MCPH1: variants seen among roughly 807,000 people sequenced by gnomAD.
MCPH1 encodes the protein microcephalin.
MCPH1 carries 104 observed loss-of-function variants against 84.5 expected under a neutral mutation model. The ratio of observed to expected loss-of-function variants is 1.23; its 90% CI spans 1.05 to 1.45. The LOEUF is 1.45. Among genes scored for constraint, MCPH1 ranks in the 40% most tolerant of loss-of-function variants. MCPH1 has a pLI of 0.00. For synonymous variants in MCPH1, 514 were observed against 366.8 expected (o/e 1.40, Z -4.58); for missense variants, 1,498 against 1,005.7 (o/e 1.49, Z -6.62).
intron 3 of MCPH1, among the ~76,000 whole-genome samples, chr8:6,415,851 A>G (rs1799207404): frequency 6.6e-6 from 1 of 152,152 alleles, no homozygotes; most frequent in Non-Finnish European, 1.5e-5. Context: ...TTCAAAAACA[A>G]AAAAGGCAGC....
Position 6,414,761 on chromosome 8 carries a change from A to G in MCPH1, c.115-4A>G. On this transcript the variant is annotated splice_region_variant and splice_polypyrimidine_tract_variant and intron_variant, in intron 2 of 13. Transcript: ENST00000344683. ...ACATTTTGTTTTCTGCATTTTGTCT[A>G]CAGGTTTCAAAAACTTTTAACAAAC... 1 of 1,613,398 alleles carries G rather than the reference A, an allele frequency of 6.2e-7. No individual in the cohort carries two copies. The highest frequency in any genetic ancestry group is 8.5e-7 in the Non-Finnish European group (1 of 1,179,656).
intron 11 of MCPH1, among the ~76,000 whole-genome samples, chr8:6,498,575 A>G (rs1811559612): frequency 6.6e-6 from 1 of 152,208 alleles, no homozygotes; most frequent in Non-Finnish European, 1.5e-5. Context: ...GAGATTGTTT[A>G]AATTCAGTTG....
intron 12 of MCPH1, among the ~76,000 whole-genome samples, chr8:6,511,777 G>A (rs2916756): frequency 0.24 from 36,702 of 152,052 alleles, 5,776 homozygotes; most frequent in Middle Eastern, 0.41. Context: ...CATTTCTAAA[G>A]GAAATATCTG....
intron 12 of MCPH1, among the ~76,000 whole-genome samples, chr8:6,594,033 G>A (rs934180867): frequency 2.6e-5 from 4 of 152,140 alleles, no homozygotes; most frequent in Non-Finnish European, 4.4e-5. Context: ...AACCTTCCTG[G>A]GTTTTCCTGG....
At chr8:6,423,497 A>C (rs749704998) in intron 3 of MCPH1, among the ~76,000 whole-genome samples, 7 of 151,990 alleles carry the variant, frequency 4.6e-5, no homozygotes, top group Non-Finnish European at 8.8e-5. Flanking sequence ...ATTACAGGTC[A>C]TTTTTTTGCC....
intron 9 of MCPH1, among the ~76,000 whole-genome samples, chr8:6,472,322 G>A (rs1807834876): frequency 6.6e-6 from 1 of 152,144 alleles, no homozygotes; most frequent in Admixed American, 6.5e-5. Context: ...CTTTTTTGAT[G>A]TGACAATTTG....
At chr8:6,468,931 G>C (rs966148974) in intron 9 of MCPH1, among the ~76,000 whole-genome samples, 1 of 152,188 alleles carries the variant, frequency 6.6e-6, no homozygotes, top group Non-Finnish European at 1.5e-5. Flanking sequence ...GCTCATGCTT[G>C]TAATCCCAGC....
rs141679404 is a variant in MCPH1, at chr8:6,543,318, A to G, written c.2214+43389A>G. ...CCGCCGTCCGCAAATGTGTTTGTAC[A>G]GTTACTTTCTCAGTATGGGTGATGG... On this transcript the variant is annotated intron_variant, in intron 12 of 13. Coordinates refer to ENST00000344683, the MANE Select transcript of MCPH1 (RefSeq NM_024596.5). Among the ~76,000 whole-genome samples the G allele has an allele frequency of 1.1e-4, 16 of 152,346 alleles. No homozygotes were observed. The East Asian group carries it at 2.9e-3, about 28-fold the overall frequency.
intron 13 of MCPH1, 70 bp downstream of exon 13, chr8:6,621,761 G>A (rs11137041): frequency 1.2e-5 from 19 of 1,606,424 alleles, no homozygotes; most frequent in Admixed American, 1.7e-5. Context: ...GGAGGGCGGC[G>A]TCAGGCTCAC....
Position 6,450,134 on chromosome 8 carries a change from C to T in MCPH1, c.1825+4587C>T, listed in dbSNP as rs749543839. ...ATCTGAGCAATTTGGTCATGTCCAACTACCAGGGTCTTGTTCATCGATAAT... is the reference window on the plus strand; with the variant it reads ...ATCTGAGCAATTTGGTCATGTCCAATTACCAGGGTCTTGTTCATCGATAAT... On this transcript the variant is annotated intron_variant, in intron 8 of 13. Coordinates refer to ENST00000344683, the MANE Select transcript of MCPH1 (RefSeq NM_024596.5). Among the ~76,000 whole-genome samples the T allele has an allele frequency of 6.6e-5, 10 of 152,334 alleles. No homozygotes were observed. The East Asian group carries it at 1.9e-3, about 29-fold the overall frequency.
intron 12 of MCPH1, among the ~76,000 whole-genome samples, chr8:6,599,155 C>T (rs1326067507): frequency 6.6e-6 from 1 of 152,182 alleles, no homozygotes; most frequent in Non-Finnish European, 1.5e-5. Flanking sequence ...AGTCCTCTTC[C>T]TAATCTCAGT....
intron 12 of MCPH1, among the ~76,000 whole-genome samples, chr8:6,555,345 A>G (rs1439920294): frequency 6.6e-6 from 1 of 152,198 alleles, no homozygotes; most frequent in Non-Finnish European, 1.5e-5. Flanking sequence ...TGTGAAATCC[A>G]GCGTTTCCCC....
At chr8:6,495,071 T>C (rs1043982380) in intron 11 of MCPH1, among the ~76,000 whole-genome samples, 2 of 152,294 alleles carry the variant, frequency 1.3e-5, no homozygotes, top group South Asian at 2.1e-4. Flanking sequence ...GGAACAGATA[T>C]TATTGGCTTG....
chr8:6,631,166 G>T (rs1797131784), intron 13 of MCPH1, among the ~76,000 whole-genome samples: 3 of 152,212 alleles, frequency 2.0e-5, no homozygotes, highest in Non-Finnish European at 4.4e-5. Context: ...TCCTCAAGCT[G>T]CAGGGAGCAG....
At chr8:6,452,612 G>A (rs1308177278) in intron 8 of MCPH1, among the ~76,000 whole-genome samples, 1 of 152,242 alleles carries the variant, frequency 6.6e-6, no homozygotes, top group African/African-American at 2.4e-5. Context: ...ATCTTTGGAA[G>A]ATAATTAGGT....
intron 3 of MCPH1, among the ~76,000 whole-genome samples, chr8:6,417,398 GC>G (rs1799469617): frequency 1.3e-5 from 1 of 77,868 alleles, no homozygotes. Flanking sequence ...CTGTGTGGCA[GC>G]AAACTTTACT....
At chr8:6,575,372 G>A (rs970028609) in intron 12 of MCPH1, among the ~76,000 whole-genome samples, 4 of 152,106 alleles carry the variant, frequency 2.6e-5, no homozygotes, top group African/African-American at 9.7e-5. Context: ...CCTTGGCCAC[G>A]GTTTCACAGG....
chr8:6,583,576 C>A (rs1827734138), intron 12 of MCPH1, among the ~76,000 whole-genome samples: 1 of 152,136 alleles, frequency 6.6e-6, no homozygotes. Context: ...ACACAGGACA[C>A]CTGAATGAAG....
intron 3 of MCPH1, among the ~76,000 whole-genome samples, chr8:6,430,311 T>G (rs1435128821): frequency 6.6e-6 from 1 of 152,248 alleles, no homozygotes; most frequent in Non-Finnish European, 1.5e-5. Flanking sequence ...GCCTCTGCAT[T>G]CAGTGTATTG....
Sources: gnomAD v4.1 joint callset for allele counts (sites outside exome capture counted in the v4.1 genomes callset) on GRCh38, gnomAD v4.1.1 for gene constraint, MANE v1.5 for transcripts, NCBI Gene and HGNC (gene_info 2026-07-23, HGNC 2026-07-21) for gene names.